CHIC1: variants seen among roughly 807,000 people sequenced by gnomAD.
The protein encoded by CHIC1 is cysteine rich hydrophobic domain 1, also known as cysteine-rich hydrophobic domain-containing protein 1.
A neutral mutation model predicts 18.5 loss-of-function variants in CHIC1; 7 were observed. The ratio of observed to expected loss-of-function variants is 0.38; its 90% CI spans 0.22 to 0.71. The LOEUF (loss-of-function observed/expected upper bound fraction) is 0.71. CHIC1 is among the 30% of genes least tolerant of loss of function. The pLI is 0.49. For synonymous variants in CHIC1, 77 were observed against 73.5 expected (o/e 1.05, Z -0.25); for missense variants, 159 against 176.9 (o/e 0.90, Z 0.57).
At chrX:73,675,479 A>T (rs187649389) in intron 3 of CHIC1, among the ~76,000 whole-genome samples, 54 of 111,632 alleles carry the variant, frequency 4.8e-4, no homozygotes, top group African/African-American at 1.6e-3. Flanking sequence ...CCTTTCCCAT[A>T]ATGTAATGGC....
intron 3 of CHIC1, among the ~76,000 whole-genome samples, chrX:73,676,936 G>C (rs983215985): frequency 4.5e-5 from 5 of 111,783 alleles, no homozygotes; most frequent in African/African-American, 1.3e-4. Context: ...CTGTTTGTTA[G>C]TTTTCCTTCT....
chrX:73,611,896 G>A (rs1403979092), intron 3 of CHIC1, among the ~76,000 whole-genome samples: 1 of 108,640 alleles, frequency 9.2e-6, no homozygotes, highest in Non-Finnish European at 1.9e-5. Flanking sequence ...ATTTGTTTGA[G>A]TTCATTGTAG....
rs904929449 is a variant in CHIC1, at chrX:73,600,996, A to T, written c.507+16424A>T. On this transcript the variant is annotated intron_variant, in intron 3 of 5. Transcript: ENST00000373502. ...ACATAATGGGAAAGGGATCAATTCA[A>T]CAACAAGAGCTAACTATCCTAAATA... is the stretch of plus-strand genomic sequence containing the variant. Among the ~76,000 whole-genome samples the T allele has an allele frequency of 7.9e-4, 86 of 108,238 alleles. 6 individuals carry two copies. The highest frequency in any genetic ancestry group is 3.0e-3 in the African/African-American group (84 of 27,817). 94.0% of individuals were successfully genotyped at this position (108,238 alleles called of 115,157 possible).
At chrX:73,613,848 C>T (rs1463825375) in intron 3 of CHIC1, among the ~76,000 whole-genome samples, 3 of 108,640 alleles carry the variant, frequency 2.8e-5, no homozygotes, top group Non-Finnish European at 5.7e-5. Flanking sequence ...TCCTTCCCTC[C>T]TTCCTTCTTT....
intron 3 of CHIC1, among the ~76,000 whole-genome samples, chrX:73,669,686 G>A (rs190676177): frequency 1.6e-4 from 18 of 112,021 alleles, no homozygotes; most frequent in African/African-American, 5.5e-4. Flanking sequence ...TTGCTGGGGA[G>A]CCCCTTTCTC....
At chrX:73,679,824 TGTCCATTGAAATATAGAG>T (rs766075118) in intron 5 of CHIC1, 111 bp downstream of exon 5, 7 of 394,452 alleles carry the variant, frequency 1.8e-5, no homozygotes, top group African/African-American at 2.6e-5. Context: ...CCAGAACTTT[TGTCCATTGAAATATAGAG>T]GTTTTCTTCT....
intron 3 of CHIC1, among the ~76,000 whole-genome samples, chrX:73,660,495 T>C (rs2057974506): frequency 1.8e-5 from 2 of 111,853 alleles, no homozygotes; most frequent in African/African-American, 6.5e-5. Flanking sequence ...AAAGGATTAA[T>C]ACCCTACGCG....
In CHIC1 at chrX:73,632,561, A is replaced by T. The variant is rs188221149; in HGVS notation, c.508-46765A>T. Among the ~76,000 whole-genome samples, 6 of 108,919 alleles carry T rather than the reference A, an allele frequency of 5.5e-5. No individual in the cohort carries two copies. The East Asian group carries it at 1.2e-3, about 21-fold the overall frequency. 94.6% of individuals were successfully genotyped at this position (108,919 alleles called of 115,157 possible). On this transcript the variant is annotated intron_variant, in intron 3 of 5. Transcript: ENST00000373502. The stretch of plus-strand genomic sequence containing the variant: ...CTTTTCATTTGTTGATTTTTTTTCC[A>T]TAGTAGTATGCTTTTATTTTTTTTC...
chrX:73,637,933 C>G (rs2057838451), intron 3 of CHIC1, among the ~76,000 whole-genome samples: 1 of 110,755 alleles, frequency 9.0e-6, no homozygotes, highest in Admixed American at 9.7e-5. Context: ...GCCCTGTTAT[C>G]TCGTTGTTGT....
chrX:73,602,641 G>A (rs192102027), intron 3 of CHIC1, among the ~76,000 whole-genome samples: 2 of 108,678 alleles, frequency 1.8e-5, no homozygotes, highest in Admixed American at 9.7e-5. Context: ...GGGTTTTTAT[G>A]GTTTTAGGTC....
At chrX:73,669,888 C>T (rs892160505) in intron 3 of CHIC1, among the ~76,000 whole-genome samples, 1 of 112,048 alleles carries the variant, frequency 8.9e-6, no homozygotes, top group Admixed American at 9.4e-5. Flanking sequence ...GACTCTACCC[C>T]CTTCCTAGGC....
At position 73,658,572 on chromosome X, in the gene CHIC1, T is replaced by TA. The variant is rs974766095; in HGVS notation, c.508-20745dup. 1.6e-4 allele frequency among the ~76,000 whole-genome samples: 17 copies of TA among 108,422 alleles called. No individual in the cohort carries two copies. The South Asian group carries it at 2.4e-3, about 15-fold the overall frequency. The allele number at this position is 108,422 out of a possible 115,157, so 94.2% of individuals were successfully genotyped here. ...CTAGGTAGAATTCTATTTTATTATT[T>TA]AAAAAAAAATCCATCTCCTGGATTT... is the stretch of plus-strand genomic sequence containing the variant. On this transcript the variant is annotated intron_variant, in intron 3 of 5. Coordinates refer to ENST00000373502, the MANE Select transcript of CHIC1 (RefSeq NM_001039840.4).
At position 73,683,678 on chromosome X, in the gene CHIC1, T is replaced by A. The variant is rs1331019484; in HGVS notation, c.*2673T>A. ...TAGTTTCCAGAGCAAAACATGTATTTGCCAAAGTATATAAATCTCACAAGG... is the reference window on the plus strand; with the variant it reads ...TAGTTTCCAGAGCAAAACATGTATTAGCCAAAGTATATAAATCTCACAAGG... On this transcript the variant is annotated 3_prime_UTR_variant, in exon 6 of 6. Transcript: ENST00000373502. 2 of 111,965 alleles carry A rather than the reference T, an allele frequency of 1.8e-5. No individual in the cohort carries two copies. Among genetic ancestry groups the A allele is most frequent in the Non-Finnish European group, 3.8e-5 (2 of 52,946 alleles). 9.2% of individuals were successfully genotyped at this position (111,965 alleles called of 1,213,427 possible). A position where few individuals can be genotyped will look rare whatever the true frequency, so the allele number is the denominator to read the frequency against.
At chrX:73,628,458 T>G (rs2057793239) in intron 3 of CHIC1, among the ~76,000 whole-genome samples, 1 of 111,886 alleles carries the variant, frequency 8.9e-6, no homozygotes, top group South Asian at 3.7e-4. Context: ...AAACTCAAGT[T>G]CCGAATACTG....
chrX:73,633,720 C>T (rs953136707), intron 3 of CHIC1, among the ~76,000 whole-genome samples: 2 of 110,918 alleles, frequency 1.8e-5, no homozygotes, highest in African/African-American at 6.5e-5. Context: ...TTTCTTTACT[C>T]ATTCTCATTT....
intron 3 of CHIC1, among the ~76,000 whole-genome samples, chrX:73,627,278 C>A (rs1172519478): frequency 8.9e-6 from 1 of 112,581 alleles, no homozygotes; most frequent in East Asian, 2.8e-4. Context: ...CAGCACTGGG[C>A]ATAGCCCAAG....
intron 3 of CHIC1, among the ~76,000 whole-genome samples, chrX:73,651,855 C>T (rs546269728): frequency 8.9e-6 from 1 of 111,965 alleles, no homozygotes; most frequent in African/African-American, 3.2e-5. Flanking sequence ...ATCAAACTAC[C>T]ATTGACATTC....
intron 3 of CHIC1, among the ~76,000 whole-genome samples, chrX:73,595,148 T>C (rs1019153579): frequency 1.8e-5 from 2 of 110,955 alleles, no homozygotes; most frequent in African/African-American, 6.6e-5. Flanking sequence ...ATGGCAATTG[T>C]TTAGCTTTTT....
intron 3 of CHIC1, among the ~76,000 whole-genome samples, chrX:73,666,152 G>T (rs2147621605): frequency 8.9e-6 from 1 of 111,861 alleles, no homozygotes; most frequent in Non-Finnish European, 1.9e-5. Context: ...TTCCAAGAAG[G>T]TTTGCATTTT....
Sources: gnomAD v4.1 joint callset for allele counts (sites outside exome capture counted in the v4.1 genomes callset) on GRCh38, gnomAD v4.1.1 for gene constraint, MANE v1.5 for transcripts, NCBI Gene and HGNC (gene_info 2026-07-23, HGNC 2026-07-21) for gene names.